The following STS variants were observed in gnomAD, a reference collection of about 807,000 sequenced individuals.
STS encodes steroid sulfatase.
A neutral mutation model predicts 26.8 loss-of-function variants in STS; 7 were observed. The ratio of observed to expected loss-of-function variants is 0.26; its 90% CI spans 0.15 to 0.49. STS has a LOEUF of 0.49. Ranked by LOEUF, STS falls within the 20% of genes least tolerant of loss-of-function variation. The pLI is 0.98. For missense variants in STS, 434 were observed against 465.6 expected (o/e 0.93, Z 0.63); for synonymous variants, 199 against 189.4 (o/e 1.05, Z -0.42).
intron 6 of STS, among the ~76,000 whole-genome samples, chrX:7,262,994 G>A (rs954033778): frequency 8.9e-6 from 1 of 112,322 alleles, no homozygotes; most frequent in Non-Finnish European, 1.9e-5. Flanking sequence ...TAACATTTTG[G>A]TCAACAATGG....
chrX:7,329,092 C>T (rs1239699847), intron 9 of STS, among the ~76,000 whole-genome samples: 2 of 112,314 alleles, frequency 1.8e-5, no homozygotes, highest in Non-Finnish European at 3.8e-5. Flanking sequence ...ATCCTAGAGA[C>T]AGCACAGGTT....
intron 1 of STS, among the ~76,000 whole-genome samples, chrX:7,169,262 G>C (rs1337689588): frequency 9.0e-6 from 1 of 111,478 alleles, no homozygotes; most frequent in African/African-American, 3.3e-5. Context: ...AGGGTCTCTG[G>C]GGGCTCAGTG....
intron 6 of STS, among the ~76,000 whole-genome samples, chrX:7,274,429 TTC>T (rs761347271): frequency 8.9e-6 from 1 of 111,850 alleles, no homozygotes; most frequent in South Asian, 3.8e-4. Context: ...TCACCCAGTA[TTC>T]TCTTTCAGCA....
intron 2 of STS, among the ~76,000 whole-genome samples, chrX:7,196,204 C>T (rs902597351): frequency 4.5e-5 from 5 of 111,783 alleles, no homozygotes; most frequent in Non-Finnish European, 9.4e-5. Context: ...TGGGAAGGGA[C>T]AGTTATGGAG....
rs1049241881 is a variant in STS at position 7,351,865 on chromosome X, G to A, written c.*1604G>A. 3 of 108,486 alleles carry A rather than the reference G, an allele frequency of 2.8e-5. No homozygotes were observed. The highest frequency in any genetic ancestry group is 1.0e-4 in the African/African-American group (3 of 29,654). The allele number at this position is 108,486 out of a possible 1,213,427, so 8.9% of individuals were successfully genotyped here. On this transcript the variant is annotated 3_prime_UTR_variant, in exon 11 of 11. Coordinates refer to ENST00000674429, the MANE Select transcript of STS (RefSeq NM_001320752.2). ...AGAGGGGCATACTATTGGGCTGGGAGGATTTGACAGCATTTCCCCAGTTGC... is the reference window on the plus strand; with the variant it reads ...AGAGGGGCATACTATTGGGCTGGGAAGATTTGACAGCATTTCCCCAGTTGC...
chrX:7,233,645 T>C (rs1048398122), intron 2 of STS, among the ~76,000 whole-genome samples: 3 of 111,743 alleles, frequency 2.7e-5, no homozygotes, highest in Non-Finnish European at 5.6e-5. Flanking sequence ...CACCAATTTA[T>C]GATCCCTGAA....
At chrX:7,215,009 CGTAT>C (rs1204718014) in intron 2 of STS, among the ~76,000 whole-genome samples, 138 of 34,159 alleles carry the variant, frequency 4.0e-3, no homozygotes, top group African/African-American at 0.014. Flanking sequence ...TACATATATA[CGTAT>C]ATATATATAT....
intron 1 of STS, among the ~76,000 whole-genome samples, chrX:7,163,292 G>T (rs1029301487): frequency 8.9e-6 from 1 of 112,068 alleles, no homozygotes; most frequent in Non-Finnish European, 1.9e-5. Context: ...TGTTTCTTGG[G>T]TTGCAAAACT....
At chrX:7,149,194 A>C (rs1207834931) in intron 1 of STS, among the ~76,000 whole-genome samples, 2 of 110,609 alleles carry the variant, frequency 1.8e-5, no homozygotes, top group African/African-American at 6.6e-5. Flanking sequence ...CAGAAGTTTA[A>C]GAACTGCCTG....
chrX:7,323,224 T>G (rs139714769), intron 8 of STS, among the ~76,000 whole-genome samples: 1 of 110,759 alleles, frequency 9.0e-6, no homozygotes, highest in African/African-American at 3.3e-5. Context: ...CAAAACAACA[T>G]GTTTTTTTTT....
intron 2 of STS, among the ~76,000 whole-genome samples, chrX:7,222,784 A>G (rs1921631609): frequency 9.0e-6 from 1 of 111,205 alleles, no homozygotes; most frequent in South Asian, 3.8e-4. Flanking sequence ...TTTAGGGGGT[A>G]CAAGTATAAT....
chrX:7,302,835 A>G (rs1196699426), intron 7 of STS, among the ~76,000 whole-genome samples: 2 of 111,377 alleles, frequency 1.8e-5, no homozygotes, highest in Non-Finnish European at 3.8e-5. Context: ...TCCAAATCCT[A>G]TATTTAATTA....
At chrX:7,236,175 A>C (rs1922302830) in intron 2 of STS, among the ~76,000 whole-genome samples, 1 of 111,874 alleles carries the variant, frequency 8.9e-6, no homozygotes, top group African/African-American at 3.2e-5. Context: ...CCATTGCAAA[A>C]TTATAACTGA....
intron 2 of STS, among the ~76,000 whole-genome samples, chrX:7,204,695 TCTC>T (rs768655441): frequency 9.9e-6 from 1 of 101,277 alleles, no homozygotes; most frequent in Non-Finnish European, 2.0e-5. Flanking sequence ...CTTTTCTCTC[TCTC>T]CTTCTTTCAT....
intron 6 of STS, among the ~76,000 whole-genome samples, chrX:7,268,289 A>C (rs1016550676): frequency 8.9e-6 from 1 of 112,159 alleles, no homozygotes; most frequent in African/African-American, 3.2e-5. Flanking sequence ...TATTGGAAGA[A>C]GATATGACCT....
At chrX:7,276,437 C>T (rs1282517628) in intron 7 of STS, among the ~76,000 whole-genome samples, 1 of 110,942 alleles carries the variant, frequency 9.0e-6, no homozygotes, top group Non-Finnish European at 1.9e-5. Flanking sequence ...CACCACTGCA[C>T]TCCAGCCTGG....
chrX:7,257,735 G>T lies in STS; in HGVS notation c.382+147G>T, dbSNP rs1923493581. ...GGTACACTTTGCATAACTTTAAATGGAAACAAAATGATTTCAATTGTAGGT... is the reference window on the plus strand; with the variant it reads ...GGTACACTTTGCATAACTTTAAATGTAAACAAAATGATTTCAATTGTAGGT... On this transcript the variant is annotated intron_variant, in intron 5 of 10. Transcript: ENST00000674429. 5 of 779,330 alleles carry T rather than the reference G, an allele frequency of 6.4e-6. No individual in the cohort carries two copies. The Admixed American group carries it at 7.1e-5, about 11-fold the overall frequency. The allele number at this position is 779,330 out of a possible 1,213,427, so 64.2% of individuals were successfully genotyped here.
At chrX:7,182,155 C>T (rs1288896537) in intron 1 of STS, among the ~76,000 whole-genome samples, 4 of 111,631 alleles carry the variant, frequency 3.6e-5, no homozygotes, top group African/African-American at 6.5e-5. Context: ...CCAAGCATCC[C>T]GCGATATTGG....
chrX:7,323,369 C>T (rs1019279873), intron 8 of STS, among the ~76,000 whole-genome samples: 1 of 110,660 alleles, frequency 9.0e-6, no homozygotes, highest in Non-Finnish European at 1.9e-5. Flanking sequence ...CACTCCTTGA[C>T]CTCCTCCCTC....
Sources: gnomAD v4.1 joint callset for allele counts (sites outside exome capture counted in the v4.1 genomes callset) on GRCh38, gnomAD v4.1.1 for gene constraint, MANE v1.5 for transcripts, NCBI Gene and HGNC (gene_info 2026-07-23, HGNC 2026-07-21) for gene names.